TLK1: variants seen among roughly 807,000 people sequenced by gnomAD.
The protein encoded by TLK1 is serine/threonine-protein kinase tousled-like 1.
A neutral mutation model predicts 105.3 loss-of-function variants in TLK1; 24 were observed. The observed-to-expected ratio is 0.23, with a 90% CI of 0.17 to 0.32. The LOEUF is 0.32. Ranked by LOEUF, TLK1 falls within the 10% of genes least tolerant of loss-of-function variation. TLK1 has a pLI of 1.00. For synonymous variants in TLK1, 321 were observed against 310.4 expected (o/e 1.03, Z -0.36); for missense variants, 558 against 910.5 (o/e 0.61, Z 4.98).
At position 171,119,176 on chromosome 2, in the gene TLK1, A is replaced by G. The variant is rs527916199; in HGVS notation, c.140-1319T>C. 1.6e-4 allele frequency among the ~76,000 whole-genome samples: 25 copies of G among 152,196 alleles called. No homozygotes were observed. The East Asian group carries it at 4.6e-3, about 28-fold the overall frequency. ...ACCTTAGCCTCAATTTTACTGTACT[A>G]CCATTTAATTCTTCCCTTAAACTGG... On this transcript the variant is annotated intron_variant, in intron 1 of 20. Coordinates refer to ENST00000431350, the MANE Select transcript of TLK1 (RefSeq NM_012290.5).
intron 1 of TLK1, among the ~76,000 whole-genome samples, chr2:171,121,468 C>G (rs1027768988): frequency 1.3e-5 from 2 of 152,120 alleles, no homozygotes; most frequent in African/African-American, 4.8e-5. Flanking sequence ...GAGGTCGAGG[C>G]TGCAGTGAGC....
At chr2:171,092,562 A>G (rs890495919) in intron 2 of TLK1, among the ~76,000 whole-genome samples, 1 of 152,194 alleles carries the variant, frequency 6.6e-6, no homozygotes, top group Non-Finnish European at 1.5e-5. Context: ...TTACTGTGCC[A>G]ATAGATTTAA....
At chr2:171,200,288 AC>A (rs894374619) in intron 1 of TLK1, among the ~76,000 whole-genome samples, 5 of 151,370 alleles carry the variant, frequency 3.3e-5, no homozygotes, top group African/African-American at 1.2e-4. Context: ...TGTTTTTTCT[AC>A]CCCCCCATCC....
intron 1 of TLK1, among the ~76,000 whole-genome samples, chr2:171,204,041 G>C (rs1693453526): frequency 6.6e-6 from 1 of 151,768 alleles, no homozygotes; most frequent in South Asian, 2.1e-4. Flanking sequence ...GTAACAGAGA[G>C]AGACTCTGTC....
chr2:171,047,048 G>C (rs1004574650), intron 10 of TLK1, among the ~76,000 whole-genome samples: 1 of 152,006 alleles, frequency 6.6e-6, no homozygotes, highest in African/African-American at 2.4e-5. Context: ...AGGGGAAAAA[G>C]ACAAGAAAAT....
At chr2:171,018,955 A>G (rs62168976) in intron 12 of TLK1, among the ~76,000 whole-genome samples, 10 of 152,204 alleles carry the variant, frequency 6.6e-5, no homozygotes, top group Non-Finnish European at 1.3e-4. Context: ...AAAAACTACA[A>G]TGGAAAATTT....
intron 10 of TLK1, among the ~76,000 whole-genome samples, chr2:171,049,389 A>C (rs141671869): frequency 6.6e-6 from 1 of 152,322 alleles, no homozygotes; most frequent in African/African-American, 2.4e-5. Context: ...GCAAAAGAGA[A>C]GTTTTTTCCC....
chr2:171,086,932 T>C (rs1689006461), intron 2 of TLK1, among the ~76,000 whole-genome samples: 1 of 152,166 alleles, frequency 6.6e-6, no homozygotes, highest in Non-Finnish European at 1.5e-5. Flanking sequence ...CAGTGATCTA[T>C]GCAAAAACGG....
At chr2:171,051,335 A>C (rs1412843135) in intron 8 of TLK1, among the ~76,000 whole-genome samples, 1 of 152,072 alleles carries the variant, frequency 6.6e-6, no homozygotes, top group African/African-American at 2.4e-5. Flanking sequence ...CTGGATTGCT[A>C]TCTGCCTAGC....
chr2:171,078,395 G>A (rs144185556), intron 3 of TLK1, among the ~76,000 whole-genome samples: 23 of 152,172 alleles, frequency 1.5e-4, no homozygotes, highest in African/African-American at 4.3e-4. Flanking sequence ...AAAATTAGCC[G>A]GGCATGGTGG....
chr2:171,212,205 T>C (rs1343097897), intron 1 of TLK1, among the ~76,000 whole-genome samples: 1 of 152,030 alleles, frequency 6.6e-6, no homozygotes, highest in Admixed American at 6.5e-5. Context: ...AACATCTGCA[T>C]AAGCTCAGCC....
intron 2 of TLK1, among the ~76,000 whole-genome samples, chr2:171,101,346 C>CAAAAAAAA (rs71401403): frequency 0.02 from 1,260 of 63,016 alleles, 77 homozygotes; most frequent in Middle Eastern, 0.053. Context: ...AACTCCGTCT[C>CAAAAAAAA]AAAAAAAAAA....
At chr2:171,145,980 G>T (rs1299240098) in intron 1 of TLK1, among the ~76,000 whole-genome samples, 1 of 152,088 alleles carries the variant, frequency 6.6e-6, no homozygotes, top group Non-Finnish European at 1.5e-5. Flanking sequence ...CTCAGTGGTC[G>T]TTACACAGGT....
chr2:171,215,755 A>G (rs1344915007), intron 1 of TLK1, among the ~76,000 whole-genome samples: 1 of 152,240 alleles, frequency 6.6e-6, no homozygotes, highest in East Asian at 1.9e-4. Flanking sequence ...AAGGCAATTT[A>G]GTAGCATAGG....
intron 11 of TLK1, among the ~76,000 whole-genome samples, chr2:171,043,144 G>A (rs1041248389): frequency 2.6e-5 from 4 of 152,158 alleles, no homozygotes; most frequent in Non-Finnish European, 5.9e-5. Context: ...AAGATGACAG[G>A]CAGATTCCTA....
chr2:171,218,331 G>A (rs756013244), intron 1 of TLK1, among the ~76,000 whole-genome samples: 7 of 152,122 alleles, frequency 4.6e-5, no homozygotes, highest in African/African-American at 1.2e-4. Context: ...TCATAGAGAC[G>A]GAAAGTAGAA....
At chr2:171,127,685 ATATC>A (rs777175119) in intron 1 of TLK1, among the ~76,000 whole-genome samples, 1 of 152,132 alleles carries the variant, frequency 6.6e-6, no homozygotes, top group Non-Finnish European at 1.5e-5. Flanking sequence ...ATATAGATAT[ATATC>A]TAATTTTTTT....
At chr2:171,118,025 T>C (rs755625713) in intron 1 of TLK1, among the ~76,000 whole-genome samples, 168 bp from the exon 2 acceptor site, 2 of 152,218 alleles carry the variant, frequency 1.3e-5, no homozygotes, top group Non-Finnish European at 2.9e-5. Flanking sequence ...CATCAACTTA[T>C]CAAAACATCC....
intron 8 of TLK1, among the ~76,000 whole-genome samples, chr2:171,051,617 G>A (rs1687243023): frequency 6.6e-6 from 1 of 152,136 alleles, no homozygotes; most frequent in Admixed American, 6.5e-5. Context: ...TATCTGAGCT[G>A]CCCACTTCTG....
Sources: allele counts gnomAD v4.1 joint callset (sites outside exome capture counted in the v4.1 genomes callset), GRCh38; gene constraint gnomAD v4.1.1; transcripts MANE v1.5; gene names NCBI Gene and HGNC (gene_info 2026-07-23, HGNC 2026-07-21).